The following FAAH2 variants were observed in gnomAD, a reference collection of about 807,000 sequenced individuals.
FAAH2 encodes the protein fatty acid amide hydrolase 2.
In FAAH2, 60 loss-of-function variants were observed where a neutral mutation model predicts 36.9. That is an observed-to-expected ratio of 1.63 (90% CI 1.32 to 2.02). The LOEUF (loss-of-function observed/expected upper bound fraction) is 2.02. Among genes scored for constraint, FAAH2 ranks in the 30% most tolerant of loss-of-function variants. The pLI, the probability that FAAH2 is intolerant of heterozygous loss-of-function variation, is 0.00. For synonymous variants in FAAH2, 214 were observed against 143.8 expected (o/e 1.49, Z -3.49); for missense variants, 689 against 397.5 (o/e 1.73, Z -6.23).
chrX:57,430,658 AT>A (rs745810057), intron 7 of FAAH2, among the ~76,000 whole-genome samples: 14 of 112,324 alleles, frequency 1.2e-4, no homozygotes, highest in South Asian at 7.4e-4. Context: ...CAGTCAGATT[AT>A]TCTGATTGCT....
chrX:57,442,823 G>A (rs894600097), intron 8 of FAAH2, among the ~76,000 whole-genome samples: 16 of 111,020 alleles, frequency 1.4e-4, no homozygotes, highest in South Asian at 3.9e-4. Context: ...AAAATCTCTC[G>A]GCATTTGCTT....
At chrX:57,148,346 C>A in the FAAH2 span, among the ~76,000 whole-genome samples, 1 of 111,609 alleles carries the variant, frequency 9.0e-6, no homozygotes, top group African/African-American at 3.3e-5. Flanking sequence ...TATAAATTAC[C>A]TTGGGCATTA....
At chrX:57,285,460 G>A (rs2051795919), upstream of FAAH2, among the ~76,000 whole-genome samples, 1 of 111,896 alleles carries the variant, frequency 8.9e-6, no homozygotes, top group Non-Finnish European at 1.9e-5. Context: ...TATCTAGATG[G>A]GGCATAGACA....
At chrX:57,481,549 T>C (rs2057379622) in intron 10 of FAAH2, among the ~76,000 whole-genome samples, 1 of 112,184 alleles carries the variant, frequency 8.9e-6, no homozygotes, top group Non-Finnish European at 1.9e-5. Context: ...GACCCTGTTC[T>C]CCTGGGTATC....
chrX:57,310,360 G>A (rs956798342), intron 2 of FAAH2, among the ~76,000 whole-genome samples: 1 of 111,469 alleles, frequency 9.0e-6, no homozygotes, highest in Non-Finnish European at 1.9e-5. Context: ...AAATAATGAT[G>A]CACTGACCAG....
chrX:57,468,838 C>T (rs1345339030), intron 10 of FAAH2, among the ~76,000 whole-genome samples: 2 of 111,563 alleles, frequency 1.8e-5, no homozygotes, highest in South Asian at 7.5e-4. Context: ...ATATTAAGGG[C>T]AGCCAGAGAG....
At chrX:57,214,327 C>T in the FAAH2 span, among the ~76,000 whole-genome samples, 1 of 112,023 alleles carries the variant, frequency 8.9e-6, no homozygotes. Flanking sequence ...GGTTTTGTTC[C>T]ATCATAATGT....
intron 10 of FAAH2, among the ~76,000 whole-genome samples, chrX:57,460,365 C>T (rs952978818): frequency 1.8e-5 from 2 of 111,091 alleles, no homozygotes; most frequent in African/African-American, 6.6e-5. Context: ...CTCAGATTCT[C>T]CAAAGTTGAA....
intron 10 of FAAH2, among the ~76,000 whole-genome samples, chrX:57,484,785 G>A (rs1437598544): frequency 9.0e-6 from 1 of 111,265 alleles, no homozygotes; most frequent in Non-Finnish European, 1.9e-5. Context: ...ATAGGTACTA[G>A]CTGTGTTAGA....
chrX:57,417,311 G>A (rs1200941301), intron 7 of FAAH2, among the ~76,000 whole-genome samples: 1 of 111,682 alleles, frequency 9.0e-6, no homozygotes, highest in East Asian at 2.8e-4. Context: ...GCAGTGTTCT[G>A]GTTTTTGGAA....
At chrX:57,181,789 G>A in the FAAH2 span, among the ~76,000 whole-genome samples, 43 of 110,989 alleles carry the variant, frequency 3.9e-4, no homozygotes, top group Middle Eastern at 4.6e-3. Flanking sequence ...TAAGCAAAAA[G>A]CACAAAGCTG....
At chrX:57,262,160 A>G in the FAAH2 span, among the ~76,000 whole-genome samples, 2 of 111,447 alleles carry the variant, frequency 1.8e-5, no homozygotes, top group African/African-American at 6.5e-5. Flanking sequence ...AGACTCCTAA[A>G]GGTGAAGAGA....
At chrX:57,483,978 T>C (rs912902929) in intron 10 of FAAH2, among the ~76,000 whole-genome samples, 2 of 109,410 alleles carry the variant, frequency 1.8e-5, no homozygotes, top group Admixed American at 2.0e-4. Context: ...GCTAATTTTG[T>C]ATTTTTAGTA....
At chrX:57,163,834 C>T in the FAAH2 span, among the ~76,000 whole-genome samples, 7 of 112,446 alleles carry the variant, frequency 6.2e-5, no homozygotes, top group East Asian at 5.6e-4. Flanking sequence ...GCGTTGCTCA[C>T]GCTGGGAGCT....
chrX:57,486,526 G>T (rs1054094725), intron 10 of FAAH2, among the ~76,000 whole-genome samples: 4 of 111,793 alleles, frequency 3.6e-5, no homozygotes, highest in African/African-American at 1.3e-4. Context: ...TGACAAAAGT[G>T]AAGAGCCACT....
intron 10 of FAAH2, among the ~76,000 whole-genome samples, chrX:57,480,800 G>A (rs5960992): frequency 0.36 from 40,050 of 110,008 alleles, 6,280 homozygotes; most frequent in Middle Eastern, 0.62. Context: ...CTAGGTTGGG[G>A]AATTTTCCTG....
chrX:57,405,474 G>A (rs1004816518), intron 7 of FAAH2, among the ~76,000 whole-genome samples: 11 of 109,406 alleles, frequency 1.0e-4, no homozygotes, highest in Non-Finnish European at 1.9e-4. Flanking sequence ...CCGATTGGGA[G>A]CGGCAATGGG....
intron 5 of FAAH2, among the ~76,000 whole-genome samples, chrX:57,367,000 C>T (rs1335831358): frequency 8.9e-6 from 1 of 112,298 alleles, no homozygotes; most frequent in East Asian, 2.8e-4. Flanking sequence ...TCTGTCTCTG[C>T]CAACTCTCCA....
intron 7 of FAAH2, chrX:57,393,497 A>T: frequency 1.0e-6 from 1 of 962,389 alleles, no homozygotes; most frequent in Non-Finnish European, 1.5e-6. Context: ...CCGGTCTGCA[A>T]TGATAGAGGA....
Sources: gnomAD v4.1 joint callset for allele counts (sites outside exome capture counted in the v4.1 genomes callset) on GRCh38, gnomAD v4.1.1 for gene constraint, MANE v1.5 for transcripts, NCBI Gene and HGNC (gene_info 2026-07-23, HGNC 2026-07-21) for gene names.